The following KMT2E variants were observed in gnomAD, a reference collection of about 807,000 sequenced individuals.
KMT2E encodes histone reader KMT2E.
Under a neutral mutation model 184.6 loss-of-function variants are expected in KMT2E, and 30 were observed. The ratio of observed to expected loss-of-function variants is 0.16; its 90% confidence interval spans 0.12 to 0.22. The LOEUF (loss-of-function observed/expected upper bound fraction) is 0.22. Among genes scored for constraint, KMT2E ranks in the 10% least tolerant of loss-of-function variants. KMT2E has a pLI of 1.00. For synonymous variants in KMT2E, 815 were observed against 776.5 expected (o/e 1.05, Z -0.82); for missense variants, 2,023 against 2,237.4 (o/e 0.90, Z 1.93).
In KMT2E at chr7:105,077,600, G is replaced by A. The variant is rs1007708430; in HGVS notation, c.1130+167G>A. The A allele has an allele frequency of 3.8e-5, 22 of 574,026 alleles. 1 individual carries two copies. Among genetic ancestry groups the A allele is most frequent in the South Asian group, 1.7e-4 (7 of 42,336 alleles). 35.6% of individuals were successfully genotyped at this position (574,026 alleles called of 1,614,324 possible). ...TGACTGATGATAATTTTTGAACTACGATAAACTAAAACAACATAAAAAAAT... is the reference window on the plus strand; with the variant it reads ...TGACTGATGATAATTTTTGAACTACAATAAACTAAAACAACATAAAAAAAT... On this transcript the variant is annotated intron_variant, in intron 11 of 26. Coordinates refer to ENST00000311117, the MANE Select transcript of KMT2E (RefSeq NM_182931.3).
At chr7:105,027,376 T>C (rs577492418) in intron 1 of KMT2E, among the ~76,000 whole-genome samples, 7 of 152,262 alleles carry the variant, frequency 4.6e-5, no homozygotes, top group African/African-American at 1.7e-4. Flanking sequence ...AAAGTGAGTG[T>C]AGTCTGTCTC....
At chr7:105,014,947 T>A (rs1794649105) in intron 1 of KMT2E, among the ~76,000 whole-genome samples, 1 of 152,154 alleles carries the variant, frequency 6.6e-6, no homozygotes, top group Non-Finnish European at 1.5e-5. Flanking sequence ...GTTCAGGTGC[T>A]GAAAAGCCAT....
intron 13 of KMT2E, chr7:105,089,252 G>A (rs1798106082): frequency 2.4e-6 from 1 of 415,230 alleles, no homozygotes; most frequent in East Asian, 9.3e-5. Flanking sequence ...AGGCTGGAAT[G>A]CAGTGGCACA....
chr7:105,086,783 AT>A (rs1027188983), intron 13 of KMT2E, among the ~76,000 whole-genome samples: 24 of 144,922 alleles, frequency 1.7e-4, no homozygotes, highest in Admixed American at 7.7e-4. Context: ...TATAAAATAA[AT>A]ATAATATATA....
chr7:105,042,535 A>G (rs1795927816), intron 3 of KMT2E, among the ~76,000 whole-genome samples: 1 of 152,182 alleles, frequency 6.6e-6, no homozygotes, highest in African/African-American at 2.4e-5. Flanking sequence ...GCTCAAGGAG[A>G]TTAACACATT....
Position 105,114,619 on chromosome 7 carries a change from C to T in KMT2E, c.*1286C>T, listed in dbSNP as rs1038646474. Among the ~76,000 whole-genome samples, 2 of 152,196 alleles carry T rather than the reference C, an allele frequency of 1.3e-5. No homozygotes were observed. Among genetic ancestry groups the T allele is most frequent in the African/African-American group, 4.8e-5 (2 of 41,452 alleles). On this transcript the variant is annotated 3_prime_UTR_variant, in exon 27 of 27. Coordinates refer to ENST00000311117, the MANE Select transcript of KMT2E (RefSeq NM_182931.3). Reference sequence around the variant, plus strand: ...GTAAGTACATCCAATAATAATGATACTGTTTTATCAATCAACATATTTTTC... The same window carrying T: ...GTAAGTACATCCAATAATAATGATATTGTTTTATCAATCAACATATTTTTC...
intron 15 of KMT2E, among the ~76,000 whole-genome samples, chr7:105,093,221 CAG>C (rs1274518829): frequency 3.3e-5 from 5 of 152,044 alleles, no homozygotes; most frequent in Non-Finnish European, 7.4e-5. Context: ...CAAACAAAAA[CAG>C]AAAACCAGTG....
Position 105,066,720 on chromosome 7 carries a change from T to C in KMT2E, c.417-7T>C. The C allele has an allele frequency of 1.2e-6, 2 of 1,607,516 alleles. No homozygotes were observed. The highest frequency in any genetic ancestry group is 8.5e-7 in the Non-Finnish European group (1 of 1,175,600). On this transcript the variant is annotated splice_region_variant and splice_polypyrimidine_tract_variant and intron_variant, in intron 5 of 26. Transcript: ENST00000311117. ...TATTACATATGTTCTGCTTTTTTTT[T>C]TTTAAGCGTTTGGCAACATATTGAC...
chr7:105,088,918 G>A (rs1399269086), intron 13 of KMT2E, among the ~76,000 whole-genome samples: 2 of 152,174 alleles, frequency 1.3e-5, no homozygotes, highest in African/African-American at 2.4e-5. Context: ...AAAGAAACCC[G>A]GTTGTTGCTA....
At chr7:105,031,285 A>T (rs1034106402) in intron 1 of KMT2E, among the ~76,000 whole-genome samples, 9 of 125,672 alleles carry the variant, frequency 7.2e-5, no homozygotes, top group Non-Finnish European at 1.3e-4. Flanking sequence ...TGATCCTGGG[A>T]GGTGGAGGTT....
chr7:105,111,917 C>T lies in KMT2E; in HGVS notation c.4161C>T (p.Ser1387=), dbSNP rs754362874. 2.4e-5 allele frequency: 39 copies of T among 1,613,972 alleles called. No homozygotes were observed. The highest frequency in any genetic ancestry group is 2.0e-4 in the East Asian group (9 of 44,882). The part of the protein sequence containing the change: ...DPQWDSTVSA[S]EAENGVHLKT... ...AATGGGACTCCACAGTTAGTGCATC[C>T]GAAGCTGAAAATGGTGTTCACCTAA... Residue 1387 remains serine, a synonymous_variant, in exon 27 of 27, where the codon TCC becomes TCT. Coordinates refer to ENST00000311117, the MANE Select transcript of KMT2E (RefSeq NM_182931.3).
At position 105,063,365 on chromosome 7, in the gene KMT2E, T is replaced by C; in HGVS notation, c.201T>C (p.Gly67=). The stretch of plus-strand genomic sequence containing the variant: ...TAATTATTCAGGACCATAATTATGG[T>C]GCTCGTCCTCCTCCGACACCTCCGG... ...IGLPYADHNY[G]ARPPPTPPAS... Residue 67 remains glycine, a synonymous_variant, in exon 5 of 27, where the codon GGT becomes GGC. Transcript: ENST00000311117. 6.2e-7 allele frequency: 1 copy of C among 1,609,680 alleles called. No homozygotes were observed. Among genetic ancestry groups the C allele is most frequent in the Non-Finnish European group, 8.5e-7 (1 of 1,177,630 alleles).
chr7:105,041,053 A>AG, intron 3 of KMT2E, 30 bp downstream of exon 3: 1 of 1,197,152 alleles, frequency 8.4e-7, no homozygotes. Flanking sequence ...ACATAAGCAA[A>AG]AAAAAAAAAA....
At chr7:105,029,542 T>C (rs574894331) in intron 1 of KMT2E, among the ~76,000 whole-genome samples, 1 of 152,280 alleles carries the variant, frequency 6.6e-6, no homozygotes, top group Non-Finnish European at 1.5e-5. Context: ...GATTGTTGGA[T>C]TATTCAGGTG....
chr7:105,042,347 C>G (rs1180474823), intron 3 of KMT2E, among the ~76,000 whole-genome samples: 1 of 147,324 alleles, frequency 6.8e-6, no homozygotes, highest in Non-Finnish European at 1.5e-5. Context: ...CGTACTTAAT[C>G]ATAAACAATT....
At chr7:105,014,556 T>G (rs2129563565) in intron 1 of KMT2E, 21 bp downstream of exon 1, 1 of 151,796 alleles carries the variant, frequency 6.6e-6, no homozygotes, top group African/African-American at 2.4e-5. Flanking sequence ...GTCGTCTCCA[T>G]GGGAGTTCCT....
At chr7:105,097,463 G>A (rs565061623) in intron 15 of KMT2E, among the ~76,000 whole-genome samples, 1 of 152,052 alleles carries the variant, frequency 6.6e-6, no homozygotes, top group Non-Finnish European at 1.5e-5. Context: ...TTGGCTCACC[G>A]CAACCTCTGC....
At chr7:105,067,162 T>G (rs1395415308) in intron 6 of KMT2E, among the ~76,000 whole-genome samples, 1 of 151,876 alleles carries the variant, frequency 6.6e-6, no homozygotes, top group Non-Finnish European at 1.5e-5. Flanking sequence ...TTATGTGTAT[T>G]CTTACTATTA....
rs561736590 is a variant in KMT2E at position 105,097,359 on chromosome 7, G to A, written c.1723-4066G>A. On this transcript the variant is annotated intron_variant, in intron 15 of 26. Coordinates refer to ENST00000311117, the MANE Select transcript of KMT2E (RefSeq NM_182931.3). ...AAGATAAGTAATTAATGACATTGTG[G>A]TGTTAGTGAAAGGGAACCTGTTTAT... Among the ~76,000 whole-genome samples the A allele has an allele frequency of 8.7e-4, 132 of 152,162 alleles. 1 individual carries two copies. Among genetic ancestry groups the A allele is most frequent in the African/African-American group, 3.1e-3 (127 of 41,524 alleles).
Sources: gnomAD v4.1 joint callset for allele counts (sites outside exome capture counted in the v4.1 genomes callset) on GRCh38, gnomAD v4.1.1 for gene constraint, MANE v1.5 for transcripts, NCBI Gene and HGNC (gene_info 2026-07-23, HGNC 2026-07-21) for gene names.